The following NUDCD1 variants were observed in gnomAD, a reference collection of about 807,000 sequenced individuals.
NUDCD1 encodes NudC domain containing 1.
A neutral mutation model predicts 67.8 loss-of-function variants in NUDCD1; 60 were observed. The observed-to-expected ratio is 0.88, with a 90% confidence interval of 0.72 to 1.10. The LOEUF (loss-of-function observed/expected upper bound fraction) is 1.10. Among genes scored for constraint, NUDCD1 ranks in the 50% least tolerant of loss-of-function variants. NUDCD1 has a pLI of 0.00. For missense variants in NUDCD1, 643 were observed against 695.0 expected (o/e 0.93, Z 0.84); for synonymous variants, 244 against 230.8 (o/e 1.06, Z -0.52).
At chr8:109,313,569 T>G (rs1815310870) in intron 2 of NUDCD1, among the ~76,000 whole-genome samples, 1 of 152,186 alleles carries the variant, frequency 6.6e-6, no homozygotes, top group Non-Finnish European at 1.5e-5. Context: ...CTGAGCAACT[T>G]GTGTGTGATA....
intron 2 of NUDCD1, among the ~76,000 whole-genome samples, chr8:109,316,880 C>A (rs566478819): frequency 6.6e-6 from 1 of 152,184 alleles, no homozygotes; most frequent in South Asian, 2.1e-4. Context: ...AATTACTCCA[C>A]AATTATTCCA....
chr8:109,287,469 C>G (rs1001307801), intron 5 of NUDCD1, among the ~76,000 whole-genome samples: 3 of 152,030 alleles, frequency 2.0e-5, no homozygotes, highest in Non-Finnish European at 2.9e-5. Context: ...GGTAAAAGAA[C>G]AAAATCATGT....
chr8:109,282,459 G>A (rs763891803), intron 5 of NUDCD1, among the ~76,000 whole-genome samples: 40 of 151,630 alleles, frequency 2.6e-4, no homozygotes, highest in Non-Finnish European at 4.0e-4. Context: ...GAGAGGGAAA[G>A]AGAAAGAAAA....
At chr8:109,293,779 T>C (rs550023436) in intron 3 of NUDCD1, among the ~76,000 whole-genome samples, 3 of 152,186 alleles carry the variant, frequency 2.0e-5, no homozygotes, top group African/African-American at 7.2e-5. Context: ...TTGCTTCCTC[T>C]CAGTTTCTAG....
At chr8:109,329,946 C>T in intron 1 of NUDCD1, 1 of 1,487,780 alleles carries the variant, frequency 6.7e-7, no homozygotes, top group Non-Finnish European at 9.0e-7. Flanking sequence ...GTTACTATGG[C>T]AACGCATAAT....
chr8:109,306,462 G>A (rs117114954), intron 2 of NUDCD1, among the ~76,000 whole-genome samples: 4,953 of 151,382 alleles, frequency 0.033, 104 homozygotes, highest in Middle Eastern at 0.11. Context: ...CTCCAAAATC[G>A]CCAAGGCCTC....
At chr8:109,303,436 C>T (rs1815034093) in intron 2 of NUDCD1, among the ~76,000 whole-genome samples, 1 of 152,180 alleles carries the variant, frequency 6.6e-6, no homozygotes. Context: ...TCCCTTGCCT[C>T]CATAACTGTT....
At chr8:109,333,848 GA>G (rs1397113128) in intron 1 of NUDCD1, 44 bp downstream of exon 1, 7 of 1,606,106 alleles carry the variant, frequency 4.4e-6, no homozygotes, top group Non-Finnish European at 6.0e-6. Context: ...GGAGGCAGCC[GA>G]AAGGGGAAAG....
At position 109,270,331 on chromosome 8, in the gene NUDCD1, A is replaced by AG. The variant is rs1814120639; in HGVS notation, c.1299+673_1299+674insC. On this transcript the variant is annotated intron_variant, in intron 8 of 9. Coordinates refer to ENST00000239690, the MANE Select transcript of NUDCD1 (RefSeq NM_032869.4). ...TATTACATAAAATAACTTGACAGTA[A>AG]AAAAAAAAAAGATTGGCACAAGTTT... 2.1e-5 allele frequency among the ~76,000 whole-genome samples: 3 copies of AG among 145,378 alleles called. No individual in the cohort carries two copies. The South Asian group carries it at 6.4e-4, about 31-fold the overall frequency.
At chr8:109,306,631 ACCC>A (rs35720923) in intron 2 of NUDCD1, among the ~76,000 whole-genome samples, 5 of 145,242 alleles carry the variant, frequency 3.4e-5, no homozygotes, top group Admixed American at 2.8e-4. Context: ...ATTATGTTGA[ACCC>A]CCCCCACCCC....
chr8:109,319,195 G>C (rs529734932), intron 2 of NUDCD1, among the ~76,000 whole-genome samples: 90 of 152,074 alleles, frequency 5.9e-4, no homozygotes, highest in Non-Finnish European at 1.2e-3. Context: ...GGATGGTCTC[G>C]ATCTCCTAAC....
chr8:109,275,088 A>C (rs1225374044), intron 7 of NUDCD1, among the ~76,000 whole-genome samples: 1 of 151,872 alleles, frequency 6.6e-6, no homozygotes, highest in Non-Finnish European at 1.5e-5. Context: ...GTAGAGAGAG[A>C]GAGCGCACAA....
chr8:109,304,598 C>A (rs963739517), intron 2 of NUDCD1, among the ~76,000 whole-genome samples: 6 of 152,178 alleles, frequency 3.9e-5, no homozygotes, highest in Non-Finnish European at 7.3e-5. Flanking sequence ...CTTCCATATC[C>A]TGCACCACCA....
At chr8:109,246,683 ATGT>A (rs1813504451) in intron 8 of NUDCD1, among the ~76,000 whole-genome samples, 1 of 152,198 alleles carries the variant, frequency 6.6e-6, no homozygotes, top group Non-Finnish European at 1.5e-5. Context: ...TTTATGAGAA[ATGT>A]TATTATCAGA....
At chr8:109,306,257 G>T (rs557903220) in intron 2 of NUDCD1, among the ~76,000 whole-genome samples, 1 of 152,120 alleles carries the variant, frequency 6.6e-6, no homozygotes, top group South Asian at 2.1e-4. Flanking sequence ...TTGCTGACAG[G>T]TTACACTCCA....
intron 2 of NUDCD1, among the ~76,000 whole-genome samples, chr8:109,314,450 T>C (rs61398030): frequency 6.6e-6 from 1 of 152,168 alleles, no homozygotes; most frequent in Admixed American, 6.5e-5. Flanking sequence ...AAAGATTAAA[T>C]AATTTGCCTG....
chr8:109,276,403 G>C (rs1015593655), intron 6 of NUDCD1, among the ~76,000 whole-genome samples: 2 of 152,130 alleles, frequency 1.3e-5, no homozygotes, highest in African/African-American at 4.8e-5. Flanking sequence ...GCCATCTTTC[G>C]TACACATGTA....
At position 109,253,223 on chromosome 8, in the gene NUDCD1, A is replaced by T. The variant is rs1338562793; in HGVS notation, c.1300-7742T>A. Among the ~76,000 whole-genome samples the T allele has an allele frequency of 4.6e-5, 7 of 152,218 alleles. No homozygotes were observed. In the East Asian group the frequency reaches 1.3e-3, roughly 29 times the overall value. On this transcript the variant is annotated intron_variant, in intron 8 of 9. Transcript: ENST00000239690. ...TGTTCAGGAAGTTTAAATACCAAAA[A>T]ATAAACAATTCAAGCTAAGAAGAGA...
At chr8:109,282,954 A>T (rs1272337664) in intron 5 of NUDCD1, among the ~76,000 whole-genome samples, 3 of 152,202 alleles carry the variant, frequency 2.0e-5, no homozygotes, top group Non-Finnish European at 4.4e-5. Context: ...TAACCAAAAT[A>T]GACACTCAGA....
Sources: gnomAD v4.1 joint callset for allele counts (sites outside exome capture counted in the v4.1 genomes callset) on GRCh38, gnomAD v4.1.1 for gene constraint, MANE v1.5 for transcripts, NCBI Gene and HGNC (gene_info 2026-07-23, HGNC 2026-07-21) for gene names.